The following KMT2D variants were observed in gnomAD, a reference collection of about 807,000 sequenced individuals.
KMT2D encodes histone-lysine N-methyltransferase 2D.
A neutral mutation model predicts 512.7 loss-of-function variants in KMT2D; 55 were observed. That is an observed-to-expected ratio of 0.11 (90% CI 0.09 to 0.13). The LOEUF is 0.13. KMT2D is among the 10% of genes least tolerant of loss of function. The pLI, the probability that KMT2D is intolerant of heterozygous loss-of-function variation, is 1.00. For synonymous variants in KMT2D, 2,995 were observed against 2,904.0 expected (o/e 1.03, Z -1.01); for missense variants, 6,061 against 7,127.9 (o/e 0.85, Z 5.39).
In KMT2D at chr12:49,041,907, T is replaced by C. The variant is rs1438453868; in HGVS notation, c.6183+10A>G. The C allele has an allele frequency of 6.3e-7, 1 of 1,599,154 alleles. No homozygotes were observed. Among genetic ancestry groups the C allele is most frequent in the South Asian group, 1.1e-5 (1 of 88,786 alleles). On this transcript the variant is annotated intron_variant, in intron 30 of 54. Transcript: ENST00000301067. The surrounding 1 kb of genome is among the most constrained non-coding windows in gnomAD (Gnocchi z 5.4). ...GTTCCCACGCTAATCCATGCTCCTT[T>C]CTGCCTCACCAGGTAGGGGGCTTTG...
In KMT2D at chr12:49,026,047, C is replaced by G. The variant is rs1942564889; in HGVS notation, c.15784+135G>C. 1 of 805,466 alleles carries G rather than the reference C, an allele frequency of 1.2e-6. No individual in the cohort carries two copies. The highest frequency in any genetic ancestry group is 1.9e-6 in the Non-Finnish European group (1 of 527,682). 49.9% of individuals were successfully genotyped at this position (805,466 alleles called of 1,614,324 possible). ...CTTTCACTGGGAGTTTTCAAGAGACCCCCTGCCTGCCTGAGGTGGGGGAAG... is the reference window on the plus strand; with the variant it reads ...CTTTCACTGGGAGTTTTCAAGAGACGCCCTGCCTGCCTGAGGTGGGGGAAG... On this transcript the variant is annotated intron_variant, in intron 49 of 54. Coordinates refer to ENST00000301067, the MANE Select transcript of KMT2D (RefSeq NM_003482.4). The surrounding 1 kb of genome is among the most constrained non-coding windows in gnomAD (Gnocchi z 9.6).
rs1938278505 is a variant in KMT2D, at chr12:49,054,446, G to C, written c.401-30C>G. ...ACAGGTGGGAAGAGGTAAAGAGAAAGGAAAGAATTAACAAAAAGAGGATTG... is the reference window on the plus strand; with the variant it reads ...ACAGGTGGGAAGAGGTAAAGAGAAACGAAAGAATTAACAAAAAGAGGATTG... On this transcript the variant is annotated intron_variant, in intron 4 of 54. Coordinates refer to ENST00000301067, the MANE Select transcript of KMT2D (RefSeq NM_003482.4). The surrounding 1 kb of genome is among the most constrained non-coding windows in gnomAD (Gnocchi z 6.4). 3 of 1,569,404 alleles carry C rather than the reference G, an allele frequency of 1.9e-6. No individual in the cohort carries two copies. The highest frequency in any genetic ancestry group is 2.6e-6 in the Non-Finnish European group (3 of 1,156,626).
chr12:49,025,840 G>A (rs1018450424), intron 49 of KMT2D, among the ~76,000 whole-genome samples: 15 of 152,098 alleles, frequency 9.9e-5, no homozygotes, highest in African/African-American at 2.7e-4. Flanking sequence ...TTCTGATTTC[G>A]TCCAGGGAAA....
At position 49,031,429 on chromosome 12, in the gene KMT2D, G is replaced by A; in HGVS notation, c.13276C>T (p.Leu4426=). The change falls in exon 40 of 55, where the codon CTG becomes TTG. Residue 4426 remains leucine (L), a synonymous_variant. Coordinates refer to ENST00000301067, the MANE Select transcript of KMT2D (RefSeq NM_003482.4). Reference sequence around the variant, plus strand: ...TCCCTCTTCACTGACTGGGCTCCCAGGGCACATGGCTCTTCCCGAGGTTCC... The same window carrying A: ...TCCCTCTTCACTGACTGGGCTCCCAAGGCACATGGCTCTTCCCGAGGTTCC... The part of the protein sequence containing the change: ...KQEPREEPCA[L]GAQSVKREAN... 6.2e-7 allele frequency: 1 copy of A among 1,613,712 alleles called. No homozygotes were observed.
chr12:49,039,559 T>C lies in KMT2D; in HGVS notation c.8105A>G (p.Gln2702Arg), dbSNP rs1943386554. ...RQQIQRNTLR[Q>R]EKETAAAAAG... is the part of the protein sequence containing the mutation. ...AGCTGCTGCAGCTGTTTCCTTCTCC[T>C]GCCGCAGGGTGTTGCGCTGGATCTG... The change falls in exon 33 of 55, where the codon CAG becomes CGG. Residue 2702 changes from glutamine to arginine, a missense_variant. This residue lies in a region of KMT2D where 527 missense variants were observed against 578.9 expected (regional missense o/e 0.91). Transcript: ENST00000301067. The surrounding 1 kb of genome is among the most constrained non-coding windows in gnomAD (Gnocchi z 5.0). The C allele has an allele frequency of 2.1e-5, 34 of 1,612,004 alleles. No individual in the cohort carries two copies. Among genetic ancestry groups the C allele is most frequent in the Non-Finnish European group, 2.8e-5 (33 of 1,179,632 alleles).
Position 49,050,408 on chromosome 12 carries a change from C to T in KMT2D, c.3180G>A (p.Lys1060=). ...SVPSPLSPIG[K]VVGVSDEAEL... ...CAGCCTCATCTGAGACCCCCACTAC[C>T]TTCCCTATGGGACTCAACGGGGAGG... Residue 1060 remains lysine, a synonymous_variant, in exon 12 of 55, where the codon AAG becomes AAA. Coordinates refer to ENST00000301067, the MANE Select transcript of KMT2D (RefSeq NM_003482.4). The T allele has an allele frequency of 6.2e-7, 1 of 1,613,786 alleles. No homozygotes were observed. The highest frequency in any genetic ancestry group is 8.5e-7 in the Non-Finnish European group (1 of 1,179,784).
At position 49,054,761 on chromosome 12, in the gene KMT2D, C is replaced by T. The variant is rs1385502411; in HGVS notation, c.177-10G>A. ...CCGCACCGGACCCCCACTGTGGACA[C>T]ACAAGCATCAGTACCACGCCAGGCC... On this transcript the variant is annotated splice_polypyrimidine_tract_variant and intron_variant, in intron 3 of 54. Coordinates refer to ENST00000301067, the MANE Select transcript of KMT2D (RefSeq NM_003482.4). This position sits in a 1 kb window ranked among gnomAD's most constrained non-coding sequence, Gnocchi z 6.4. 1.9e-6 allele frequency: 3 copies of T among 1,613,672 alleles called. No individual in the cohort carries two copies. The highest frequency in any genetic ancestry group is 2.5e-6 in the Non-Finnish European group (3 of 1,179,606).
rs1438863670 is a variant in KMT2D at position 49,039,361 on chromosome 12, A to G, written c.8230-3T>C. The G allele has an allele frequency of 6.2e-6, 10 of 1,611,954 alleles. No individual in the cohort carries two copies. The highest frequency in any genetic ancestry group is 6.8e-6 in the Non-Finnish European group (8 of 1,179,012). On this transcript the variant is annotated splice_region_variant and splice_polypyrimidine_tract_variant and intron_variant, in intron 33 of 54. Coordinates refer to ENST00000301067, the MANE Select transcript of KMT2D (RefSeq NM_003482.4). The surrounding 1 kb of genome is among the most constrained non-coding windows in gnomAD (Gnocchi z 5.0). ...AACCCCACAAGGCTGCTCTTGTCCT[A>G]GAAGAGACAAGGTAGATGAAGGTGG...
rs1368967268 is a variant in KMT2D at position 49,041,763 on chromosome 12, A to G, written c.6184-58T>C. On this transcript the variant is annotated intron_variant, in intron 30 of 54. Transcript: ENST00000301067. The surrounding 1 kb of genome is among the most constrained non-coding windows in gnomAD (Gnocchi z 5.4). ...GTGCTTGGTCTCATGCCCCGCCCCC[A>G]TACTGTAGTGTTTTCACACTCCCTA... 4.5e-6 allele frequency: 7 copies of G among 1,564,534 alleles called. No individual in the cohort carries two copies. The highest frequency in any genetic ancestry group is 5.2e-6 in the Non-Finnish European group (6 of 1,150,648).
At position 49,024,527 on chromosome 12, in the gene KMT2D, C is replaced by A. The variant is rs1435606489; in HGVS notation, c.16052+51G>T. The A allele has an allele frequency of 1.9e-6, 3 of 1,552,212 alleles. No homozygotes were observed. Among genetic ancestry groups the A allele is most frequent in the Non-Finnish European group, 2.6e-6 (3 of 1,148,930 alleles). ...AATCCTCATAATGGGACCAGAGGAT[C>A]CCTGTCAACACCCACACCCACATCC... On this transcript the variant is annotated intron_variant, in intron 51 of 54. Transcript: ENST00000301067. This position sits in a 1 kb window ranked among gnomAD's most constrained non-coding sequence, Gnocchi z 4.5.
chr12:49,026,987 C>T lies in KMT2D; in HGVS notation c.14979G>A (p.Leu4993=), dbSNP rs772273923. The T allele has an allele frequency of 1.2e-6, 2 of 1,614,034 alleles. No individual in the cohort carries two copies. Among genetic ancestry groups the T allele is most frequent in the South Asian group, 2.2e-5 (2 of 91,088 alleles). Residue 4993 remains leucine, a synonymous_variant, in exon 49 of 55, where the codon CTG becomes CTA. Transcript: ENST00000301067. This position sits in a 1 kb window ranked among gnomAD's most constrained non-coding sequence, Gnocchi z 9.6. ...GCCCACTGCCCTTCTGGATGGTCAG[C>T]AGCAGCCGAAGCCGCTTCCAGCGCA... is the stretch of plus-strand genomic sequence containing the variant. ...KGVRWKRLRL[L]LTIQKGSGRQ...
rs1219603988 is a variant in KMT2D, at chr12:49,039,205, A to G, written c.8366+17T>C. On this transcript the variant is annotated intron_variant, in intron 34 of 54. Coordinates refer to ENST00000301067, the MANE Select transcript of KMT2D (RefSeq NM_003482.4). This position sits in a 1 kb window ranked among gnomAD's most constrained non-coding sequence, Gnocchi z 5.0. ...ATCCCCCTTGGTTTACCCCCAGGGA[A>G]CCTCCTGGAGCCTCACCGGCTGTTC... 6.2e-7 allele frequency: 1 copy of G among 1,612,674 alleles called. No individual in the cohort carries two copies. Among genetic ancestry groups the G allele is most frequent in the East Asian group, 2.2e-5 (1 of 44,868 alleles).
At position 49,051,609 on chromosome 12, in the gene KMT2D, G is replaced by T. The variant is rs202076833; in HGVS notation, c.2074C>A (p.Pro692Thr). The part of the protein sequence containing the change: ...PPPEASRLSP[P>T]PEDSPTSPPP... ...GGGGATGTGGGGGAGTCCTCAGGTG[G>T]TGGGGAGAGGCGTGAAGCCTCAGGT... Residue 692 changes from proline (P) to threonine (T), a missense_variant, in exon 11 of 55, where the codon CCA becomes ACA. By Grantham distance (38) the Pro-to-Thr change is conservative. Transcript: ENST00000301067. The T allele has an allele frequency of 4.4e-3, 6,974 of 1,585,278 alleles. 19 individuals carry two copies. The highest frequency in any genetic ancestry group is 5.4e-3 in the Non-Finnish European group (6,327 of 1,163,038).
intron 48 of KMT2D, 120 bp downstream of exon 48, chr12:49,027,682 TG>T: frequency 7.8e-7 from 1 of 1,276,082 alleles, no homozygotes; most frequent in Middle Eastern, 1.9e-4. Context: ...CTCAAACTCC[TG>T]GCCTAAAGTG....
At chr12:49,049,640 G>T (rs1937801731) in intron 12 of KMT2D, 42 bp downstream of exon 12, 1 of 1,527,392 alleles carries the variant, frequency 6.5e-7, no homozygotes, top group Non-Finnish European at 8.8e-7. Flanking sequence ...CTCTGACAGT[G>T]GGCTAACTCT....
Position 49,044,744 on chromosome 12 carries a change from C to A in KMT2D, c.4963G>T (p.Gly1655Cys), listed in dbSNP as rs1943705839. The part of the protein sequence containing the change: ...LDTDELLKGE[G>C]GVEHMECEIK... ...GCTCCCTAAGATTCCCCAAGCTAAC[C>A]TTCACCCTTGAGCAGCTCATCGGTG... The change falls in exon 20 of 55, where the codon GGT (glycine) becomes TGT (cysteine). Residue 1655 changes from glycine to cysteine, a missense_variant and splice_region_variant. Transcript: ENST00000301067. The surrounding 1 kb of genome is among the most constrained non-coding windows in gnomAD (Gnocchi z 6.4). 2 of 1,611,038 alleles carry A rather than the reference C, an allele frequency of 1.2e-6. No homozygotes were observed. The highest frequency in any genetic ancestry group is 1.7e-5 in the Admixed American group (1 of 59,956).
Position 49,033,207 on chromosome 12 carries a change from C to T in KMT2D, c.11498G>A (p.Arg3833Gln), listed in dbSNP as rs1320906608. ...PHRQVLMTQS[R>Q]VLSSPQLAQQ... is the part of the protein sequence containing the mutation. ...TGCCAGCTGGGGGGAACTGAGCACC[C>T]GGGACTGGGTCATAAGCACCTGTCT... The change falls in exon 40 of 55, where the codon CGG becomes CAG. Residue 3833 changes from arginine to glutamine, a missense_variant. Physicochemically the swap from Arg to Gln is conservative, Grantham distance 43 (BLOSUM62 1). Coordinates refer to ENST00000301067, the MANE Select transcript of KMT2D (RefSeq NM_003482.4). 15 of 1,550,734 alleles carry T rather than the reference C, an allele frequency of 9.7e-6. No individual in the cohort carries two copies. The highest frequency in any genetic ancestry group is 1.7e-4 in the Middle Eastern group (1 of 6,010).
Position 49,022,010 on chromosome 12 carries a change from G to C in KMT2D, c.16521+33C>G, listed in dbSNP as rs2137703313. ...AGAAGGGGTGAAAGGAGGAGGAGCT[G>C]CTTTGTCACTCAGTCAGGATACTTC... On this transcript the variant is annotated intron_variant, in intron 54 of 54. Coordinates refer to ENST00000301067, the MANE Select transcript of KMT2D (RefSeq NM_003482.4). The surrounding 1 kb of genome is among the most constrained non-coding windows in gnomAD (Gnocchi z 8.6). 1 of 1,590,306 alleles carries C rather than the reference G, an allele frequency of 6.3e-7. No individual in the cohort carries two copies. Among genetic ancestry groups the C allele is most frequent in the Non-Finnish European group, 8.6e-7 (1 of 1,158,518 alleles).
Position 49,030,766 on chromosome 12 carries a change from C to T in KMT2D, c.13674G>A (p.Glu4558=), listed in dbSNP as rs561138169. The part of the protein sequence containing the change: ...SEALLKQLKQ[E]LSLLPLTEPA... Reference sequence around the variant, plus strand: ...GCTCCGTTAGGGGCAGCAGGGACAGCTCCTACAAGGGGCAAGATGACAAAG... The same window carrying T: ...GCTCCGTTAGGGGCAGCAGGGACAGTTCCTACAAGGGGCAAGATGACAAAG... Residue 4558 remains glutamate (E), a splice_region_variant and synonymous_variant, in exon 42 of 55, where the codon GAG becomes GAA. Coordinates refer to ENST00000301067, the MANE Select transcript of KMT2D (RefSeq NM_003482.4). The T allele has an allele frequency of 1.9e-6, 3 of 1,613,546 alleles. No homozygotes were observed. The highest frequency in any genetic ancestry group is 1.7e-5 in the Admixed American group (1 of 60,020).
Sources: allele counts gnomAD v4.1 joint callset (sites outside exome capture counted in the v4.1 genomes callset), GRCh38; gene constraint gnomAD v4.1.1; regional missense constraint gnomAD v4.1.1; non-coding constraint Gnocchi (gnomAD v3.1); transcripts MANE v1.5; gene names NCBI Gene and HGNC (gene_info 2026-07-23, HGNC 2026-07-21).